DHRS4L2: variants seen among roughly 807,000 people sequenced by gnomAD.
The protein encoded by DHRS4L2 is dehydrogenase/reductase SDR family member 4-like 2.
DHRS4L2 carries 22 observed loss-of-function variants against 23.9 expected under a neutral mutation model. The observed-to-expected ratio is 0.92, with a 90% CI of 0.66 to 1.31. The LOEUF (loss-of-function observed/expected upper bound fraction) is 1.31. Among genes scored for constraint, DHRS4L2 ranks in the 40% most tolerant of loss-of-function variants. The pLI, the probability that DHRS4L2 is intolerant of heterozygous loss-of-function variation, is 0.00. For synonymous variants in DHRS4L2, 141 were observed against 123.7 expected (o/e 1.14, Z -0.93); for missense variants, 385 against 303.3 (o/e 1.27, Z -2.00).
rs2033944252 is a variant in DHRS4L2 at position 23,975,251 on chromosome 14, TC to T, written c.-176+4920del. Among the ~76,000 whole-genome samples, 2 of 151,656 alleles carry T rather than the reference TC, an allele frequency of 1.3e-5. 1 individual carries two copies. The highest frequency in any genetic ancestry group is 4.8e-5 in the African/African-American group (2 of 41,250). On this transcript the variant is annotated intron_variant, in intron 1 of 5. Coordinates refer to the DHRS4L2 transcript ENST00000534993. ...TTCAGCAAAGTCTCAGGATACAAAA[TC>T]AATGTGCAAAAATCACAAGCATTCC...
At chr14:23,994,292 G>A (rs1453259725) in intron 2 of DHRS4L2, among the ~76,000 whole-genome samples, 3 of 151,712 alleles carry the variant, frequency 2.0e-5, no homozygotes, top group African/African-American at 7.3e-5. Flanking sequence ...AGATTTTGGG[G>A]TGAGACTTGA....
rs201704447 is a variant in DHRS4L2 at position 23,999,362 on chromosome 14, A to C, written c.409-1501A>C. On this transcript the variant is annotated intron_variant, in intron 3 of 7. Transcript: ENST00000335125. ...CAATTTGTAAAAAAAAAAAAAAAAA[A>C]AAAAAAAAAAAACAATATCTGCAAA... 2.6e-4 allele frequency among the ~76,000 whole-genome samples: 33 copies of C among 128,372 alleles called. 1 individual carries two copies. Among genetic ancestry groups the C allele is most frequent in the East Asian group, 1.2e-3 (4 of 3,460 alleles). 84.2% of individuals were successfully genotyped at this position (128,372 alleles called of 152,430 possible). A position where few individuals can be genotyped will look rare whatever the true frequency, so the allele number is the denominator to read the frequency against.
At chr14:23,994,154 C>T (rs2034328371) in intron 2 of DHRS4L2, among the ~76,000 whole-genome samples, 1 of 151,722 alleles carries the variant, frequency 6.6e-6, no homozygotes, top group Non-Finnish European at 1.5e-5. Flanking sequence ...GCCAGTTTTT[C>T]CATTCAGGTA....
intron 1 of DHRS4L2, among the ~76,000 whole-genome samples, chr14:23,970,721 G>T (rs532449549): frequency 2.0e-5 from 3 of 152,146 alleles, no homozygotes; most frequent in African/African-American, 7.2e-5. Flanking sequence ...ACCAGTAGGG[G>T]CGGAGAGACA....
intron 1 of DHRS4L2, among the ~76,000 whole-genome samples, chr14:23,972,503 T>G (rs150574046): frequency 0.012 from 1,849 of 151,940 alleles, 46 homozygotes; most frequent in African/African-American, 0.042. Flanking sequence ...GCAGCAAGAT[T>G]TATTGCAAAG....
At chr14:23,969,995 C>G (rs1265718776) in exon 1 of DHRS4L2, 5 of 455,084 alleles carry the variant, frequency 1.1e-5, no homozygotes, top group Non-Finnish European at 1.8e-5. Context: ...GCAGCCCTCA[C>G]CGCCCGGGCT....
At chr14:23,996,988 C>G (rs147374269) in intron 3 of DHRS4L2, among the ~76,000 whole-genome samples, 16,051 of 141,424 alleles carry the variant, frequency 0.11, 1,272 homozygotes, top group East Asian at 0.39. Context: ...AGTCTGAATA[C>G]AGACCATATG....
At chr14:23,990,524 A>T (rs2034248860) in intron 2 of DHRS4L2, among the ~76,000 whole-genome samples, 165 bp downstream of exon 2, 2 of 151,126 alleles carry the variant, frequency 1.3e-5, no homozygotes, top group Admixed American at 6.6e-5. Flanking sequence ...GAGAATTTTA[A>T]AACATTCTAA....
chr14:23,971,091 T>C (rs2033848204), intron 1 of DHRS4L2, among the ~76,000 whole-genome samples: 1 of 152,054 alleles, frequency 6.6e-6, no homozygotes, highest in South Asian at 2.1e-4. Context: ...ACGTCTCTTC[T>C]CTTCCAAAGG....
chr14:23,986,706 C>T (rs2034150205), upstream of DHRS4L2, among the ~76,000 whole-genome samples: 1 of 151,370 alleles, frequency 6.6e-6, no homozygotes, highest in Non-Finnish European at 1.5e-5. Flanking sequence ...GCCCGTCTAC[C>T]TCTGAAGAGA....
At position 23,999,208 on chromosome 14, in the gene DHRS4L2, C is replaced by T. The variant is rs1051023862; in HGVS notation, c.409-1655C>T. Among the ~76,000 whole-genome samples the T allele has an allele frequency of 4.0e-4, 60 of 149,382 alleles. 2 individuals carry two copies. The highest frequency in any genetic ancestry group is 3.4e-3 in the Middle Eastern group (1 of 292). On this transcript the variant is annotated intron_variant, in intron 3 of 7. Transcript: ENST00000335125. ...TGAAAGATCACTCATCACAGATCAC[C>T]GTAACAGATATAATAATAATGGAAA...
chr14:23,984,076 T>C (rs1297746902), upstream of DHRS4L2, among the ~76,000 whole-genome samples: 1 of 149,608 alleles, frequency 6.7e-6, no homozygotes, highest in Non-Finnish European at 1.5e-5. Flanking sequence ...TTAAAAAGAG[T>C]TGGAGCATAG....
At chr14:23,996,278 C>A (rs1038335401) in intron 3 of DHRS4L2, among the ~76,000 whole-genome samples, 1 of 151,468 alleles carries the variant, frequency 6.6e-6, no homozygotes, top group Non-Finnish European at 1.5e-5. Context: ...GACAAACTTA[C>A]CAACTATATC....
intron 2 of DHRS4L2, 28 bp downstream of exon 2, chr14:23,990,387 C>A (rs1179868630): frequency 3.1e-6 from 5 of 1,592,260 alleles, no homozygotes; most frequent in Non-Finnish European, 4.3e-6. Context: ...GGGCACAGAG[C>A]CAGGAGGTGG....
At chr14:23,981,354 A>C (rs1005206739) in intron 1 of DHRS4L2, among the ~76,000 whole-genome samples, 3 of 151,740 alleles carry the variant, frequency 2.0e-5, no homozygotes, top group Non-Finnish European at 4.4e-5. Flanking sequence ...GGAAGAATCA[A>C]TATCGTGAAA....
intron 1 of DHRS4L2, among the ~76,000 whole-genome samples, chr14:23,977,413 C>G (rs374681807): frequency 6.6e-6 from 1 of 151,628 alleles, no homozygotes; most frequent in Non-Finnish European, 1.5e-5. Context: ...TTGGCCACTG[C>G]GACCTAAAGT....
chr14:23,971,413 A>G (rs1367864007), intron 1 of DHRS4L2, among the ~76,000 whole-genome samples: 9 of 152,096 alleles, frequency 5.9e-5, no homozygotes, highest in African/African-American at 1.4e-4. Flanking sequence ...GTGATTGAAG[A>G]TAAAATTAAT....
intron 1 of DHRS4L2, among the ~76,000 whole-genome samples, chr14:23,977,633 G>A (rs1055016542): frequency 4.6e-5 from 7 of 151,848 alleles, no homozygotes; most frequent in Admixed American, 1.3e-4. Context: ...GATCTGAGTC[G>A]TATGTGGTTA....
chr14:23,987,661 AACAC>A (rs369621039), upstream of DHRS4L2, among the ~76,000 whole-genome samples: 3 of 145,912 alleles, frequency 2.1e-5, no homozygotes, highest in Non-Finnish European at 4.4e-5. Flanking sequence ...ACAAAACACT[AACAC>A]ACACACACAC....
Sources: allele counts gnomAD v4.1 joint callset (sites outside exome capture counted in the v4.1 genomes callset), GRCh38; gene constraint gnomAD v4.1.1; transcripts MANE v1.5; gene names NCBI Gene and HGNC (gene_info 2026-07-23, HGNC 2026-07-21).